Variants in CCDC30 observed in about 807,000 individuals in gnomAD.
CCDC30 encodes coiled-coil domain-containing protein 30.
A neutral mutation model predicts 100.2 loss-of-function variants in CCDC30; 70 were observed. The ratio of observed to expected loss-of-function variants is 0.70; its 90% CI spans 0.58 to 0.85. The LOEUF (loss-of-function observed/expected upper bound fraction) is 0.85, where lower values mean the gene tolerates loss of function less well. Among genes scored for constraint, CCDC30 ranks in the 40% least tolerant of loss-of-function variants. The pLI, the probability that CCDC30 is intolerant of heterozygous loss-of-function variation, is 0.00. For missense variants in CCDC30, 652 were observed against 771.2 expected, an observed-to-expected ratio of 0.85 and a Z score of 1.83; for synonymous variants, 233 against 269.5, an observed-to-expected ratio of 0.86 and a Z score of 1.33.
chr1:42,520,330 C>A (rs1644618558), intron 6 of CCDC30, among the ~76,000 whole-genome samples: 2 of 150,192 alleles, frequency 1.3e-5, no homozygotes, highest in Non-Finnish European at 3.0e-5. Context: ...TATTTTCTTT[C>A]TTTTCTCTTT....
At chr1:42,608,811 T>A (rs1646560476) in intron 10 of CCDC30, among the ~76,000 whole-genome samples, 1 of 149,944 alleles carries the variant, frequency 6.7e-6, no homozygotes, top group Non-Finnish European at 1.5e-5. Flanking sequence ...ATAAGACAAC[T>A]TGATGGAGAT....
At chr1:42,642,249 AT>A (rs199576467) in intron 12 of CCDC30, among the ~76,000 whole-genome samples, 4 of 144,772 alleles carry the variant, frequency 2.8e-5, no homozygotes, top group African/African-American at 5.3e-5. Context: ...ACAAAAAAAT[AT>A]ATATATATAT....
intron 10 of CCDC30, among the ~76,000 whole-genome samples, chr1:42,598,240 G>A (rs1265138570): frequency 1.3e-5 from 2 of 151,686 alleles, no homozygotes; most frequent in African/African-American, 2.4e-5. Context: ...AGGGAAGCTG[G>A]GCATGGTGGC....
upstream of CCDC30, among the ~76,000 whole-genome samples, chr1:42,462,829 CAAT>C (rs1643446772): frequency 6.6e-6 from 1 of 152,162 alleles, no homozygotes; most frequent in African/African-American, 2.4e-5. Flanking sequence ...TTCCTTTTTA[CAAT>C]AATAAGCTGG....
intron 1 of CCDC30, among the ~76,000 whole-genome samples, chr1:42,476,049 A>G (rs572906107): frequency 6.6e-6 from 1 of 152,342 alleles, no homozygotes; most frequent in South Asian, 2.1e-4. Flanking sequence ...GACAATAGTA[A>G]GCTGTGAAAT....
chr1:42,555,646 C>T (rs1570042581), intron 6 of CCDC30, among the ~76,000 whole-genome samples: 1 of 151,990 alleles, frequency 6.6e-6, no homozygotes, highest in East Asian at 1.9e-4. Context: ...GGGTCATCTC[C>T]CTGAATGTAA....
chr1:42,467,026 A>G (rs1438188146), intron 1 of CCDC30, among the ~76,000 whole-genome samples: 1 of 152,222 alleles, frequency 6.6e-6, no homozygotes, highest in East Asian at 1.9e-4. Context: ...ATCTCATAGC[A>G]CCATTCCAGG....
intron 6 of CCDC30, among the ~76,000 whole-genome samples, chr1:42,533,240 G>GT (rs1165436910): frequency 1.3e-5 from 2 of 152,064 alleles, no homozygotes; most frequent in Non-Finnish European, 2.9e-5. Context: ...TAGAGAGTCA[G>GT]TTTTTTAAAA....
At chr1:42,533,745 C>T (rs1440226992) in intron 6 of CCDC30, 1 of 152,284 alleles carries the variant, frequency 6.6e-6, no homozygotes, top group Non-Finnish European at 1.5e-5. Context: ...GAGGGCGCAG[C>T]ACAACGCAAG....
intron 12 of CCDC30, among the ~76,000 whole-genome samples, chr1:42,637,619 A>G (rs1300170123): frequency 6.6e-6 from 1 of 152,230 alleles, no homozygotes; most frequent in East Asian, 1.9e-4. Flanking sequence ...CTTATGATCA[A>G]TGTCTTTCTT....
At chr1:42,486,457 C>G (rs1048165969) in intron 3 of CCDC30, among the ~76,000 whole-genome samples, 1 of 152,176 alleles carries the variant, frequency 6.6e-6, no homozygotes, top group African/African-American at 2.4e-5. Flanking sequence ...AGAACACCTG[C>G]TTTCCTTTAA....
At chr1:42,499,475 T>C (rs1298912023) in intron 6 of CCDC30, among the ~76,000 whole-genome samples, 1 of 151,988 alleles carries the variant, frequency 6.6e-6, no homozygotes, top group Non-Finnish European at 1.5e-5. Flanking sequence ...ATTTTATTTT[T>C]ATTATTATAT....
At chr1:42,616,410 G>A (rs1646728617) in intron 11 of CCDC30, among the ~76,000 whole-genome samples, 1 of 152,178 alleles carries the variant, frequency 6.6e-6, no homozygotes, top group Non-Finnish European at 1.5e-5. Context: ...ATTCTAATGT[G>A]CATCCGAGGT....
chr1:42,513,118 A>G (rs1170917061), intron 6 of CCDC30, among the ~76,000 whole-genome samples: 2 of 152,152 alleles, frequency 1.3e-5, no homozygotes, highest in African/African-American at 2.4e-5. Context: ...GTCTGGGGAA[A>G]TATCCAGGGT....
At chr1:42,516,571 C>CCAA (rs370795543) in intron 6 of CCDC30, among the ~76,000 whole-genome samples, 4 of 102,160 alleles carry the variant, frequency 3.9e-5, no homozygotes, top group African/African-American at 1.6e-4. Context: ...GACTCCATCT[C>CCAA]AAAAAAAAAA....
chr1:42,543,575 C>A (rs1645061098), intron 6 of CCDC30, among the ~76,000 whole-genome samples: 1 of 152,184 alleles, frequency 6.6e-6, no homozygotes, highest in South Asian at 2.1e-4. Flanking sequence ...TCTGCAGCTC[C>A]TTACTTTGTA....
chr1:42,462,759 A>G (rs2148425457), upstream of CCDC30, among the ~76,000 whole-genome samples: 1 of 152,348 alleles, frequency 6.6e-6, no homozygotes, highest in East Asian at 1.9e-4. Context: ...CTGAATTTTC[A>G]GTGCTTAGGA....
intron 3 of CCDC30, among the ~76,000 whole-genome samples, chr1:42,488,473 T>C (rs1644087041): frequency 2.0e-5 from 3 of 152,034 alleles, no homozygotes; most frequent in African/African-American, 7.2e-5. Flanking sequence ...AGTGCCACAG[T>C]TGGCTAAGTT....
chr1:42,517,655 T>G (rs1308993161), intron 6 of CCDC30, among the ~76,000 whole-genome samples: 1 of 152,174 alleles, frequency 6.6e-6, no homozygotes, highest in Non-Finnish European at 1.5e-5. Flanking sequence ...TTTATCACCA[T>G]TTACTAGAAA....
Sources: allele counts gnomAD v4.1 joint callset (sites outside exome capture counted in the v4.1 genomes callset), GRCh38; gene constraint gnomAD v4.1.1; transcripts MANE v1.5; gene names NCBI Gene and HGNC (gene_info 2026-07-23, HGNC 2026-07-21).